Variants in COL25A1 observed in about 807,000 individuals in gnomAD.
COL25A1 encodes the protein collagen alpha-1(XXV) chain.
COL25A1 carries 103 observed loss-of-function variants against 128.4 expected under a neutral mutation model. That is an observed-to-expected ratio of 0.80 (90% CI 0.68 to 0.94). The LOEUF is 0.94. COL25A1 is among the 40% of genes least tolerant of loss of function. The pLI is 0.00. For synonymous variants in COL25A1, 279 were observed against 277.2 expected (o/e 1.01, Z -0.06); for missense variants, 745 against 840.0 (o/e 0.89, Z 1.40).
chr4:109,276,722 T>A (rs1227555869), intron 3 of COL25A1, among the ~76,000 whole-genome samples: 1 of 152,114 alleles, frequency 6.6e-6, no homozygotes, highest in African/African-American at 2.4e-5. Context: ...GTACTGCAAT[T>A]CTTGAATTCT....
chr4:109,134,900 C>T (rs763073306), intron 3 of COL25A1, among the ~76,000 whole-genome samples: 4 of 151,606 alleles, frequency 2.6e-5, no homozygotes, highest in Non-Finnish European at 5.9e-5. Context: ...GTAAGGAAAT[C>T]GCTTATAGAT....
intron 3 of COL25A1, among the ~76,000 whole-genome samples, chr4:109,253,311 G>T (rs1780788966): frequency 6.6e-6 from 1 of 152,154 alleles, no homozygotes; most frequent in African/African-American, 2.4e-5. Context: ...AGGAGAGTTG[G>T]AAGTATAATT....
At chr4:109,299,781 T>C (rs973601759) in intron 3 of COL25A1, among the ~76,000 whole-genome samples, 1 of 152,110 alleles carries the variant, frequency 6.6e-6, no homozygotes, top group African/African-American at 2.4e-5. Flanking sequence ...TTGAATCCAC[T>C]AGATGTTTCC....
At chr4:109,261,484 T>A (rs189833857) in intron 3 of COL25A1, among the ~76,000 whole-genome samples, 2 of 152,242 alleles carry the variant, frequency 1.3e-5, no homozygotes, top group Non-Finnish European at 2.9e-5. Context: ...GCCAAGATCG[T>A]GCCATGGCCC....
intron 15 of COL25A1, among the ~76,000 whole-genome samples, chr4:108,896,946 C>G (rs185008573): frequency 7.9e-5 from 12 of 152,316 alleles, no homozygotes; most frequent in African/African-American, 2.9e-4. Flanking sequence ...ACAGAAAACA[C>G]TTATCTGTCT....
intron 3 of COL25A1, among the ~76,000 whole-genome samples, chr4:109,191,425 G>A (rs1366815752): frequency 1.3e-5 from 2 of 152,102 alleles, no homozygotes; most frequent in African/African-American, 2.4e-5. Flanking sequence ...TCGCCCACAA[G>A]AGAGGGTGAA....
intron 3 of COL25A1, among the ~76,000 whole-genome samples, chr4:109,130,833 G>C (rs1215958195): frequency 1.3e-5 from 2 of 152,004 alleles, no homozygotes; most frequent in Non-Finnish European, 2.9e-5. Context: ...TTTCATTTTC[G>C]AACCTGCATT....
intron 35 of COL25A1, among the ~76,000 whole-genome samples, chr4:108,821,229 C>T (rs1473924507): frequency 6.6e-6 from 1 of 152,158 alleles, no homozygotes; most frequent in African/African-American, 2.4e-5. Context: ...TCAGAAGGCT[C>T]AGAATCAAAA....
At chr4:109,045,706 A>G (rs1760364646) in intron 5 of COL25A1, among the ~76,000 whole-genome samples, 1 of 152,136 alleles carries the variant, frequency 6.6e-6, no homozygotes, top group Non-Finnish European at 1.5e-5. Flanking sequence ...AGCATAATCA[A>G]TGTTTTTTTT....
chr4:109,157,988 T>C (rs1287658275), intron 3 of COL25A1, among the ~76,000 whole-genome samples: 1 of 152,196 alleles, frequency 6.6e-6, no homozygotes, highest in Non-Finnish European at 1.5e-5. Context: ...CTAAAGCCTG[T>C]GAATACTTCT....
intron 3 of COL25A1, among the ~76,000 whole-genome samples, chr4:109,185,880 TC>T (rs1052969817): frequency 6.6e-6 from 1 of 152,106 alleles, no homozygotes; most frequent in African/African-American, 2.4e-5. Context: ...AAGACAGGCC[TC>T]CTCAGAGACC....
intron 8 of COL25A1, among the ~76,000 whole-genome samples, chr4:108,961,809 G>A (rs781509907): frequency 6.6e-6 from 1 of 151,954 alleles, no homozygotes; most frequent in Non-Finnish European, 1.5e-5. Flanking sequence ...TTCAAGATTG[G>A]GCCACAATTT....
rs144588803 is a variant in COL25A1 at position 109,115,200 on chromosome 4, T to C, written c.368-65021A>G. On this transcript the variant is annotated intron_variant, in intron 3 of 37. Coordinates refer to ENST00000399132, the MANE Select transcript of COL25A1 (RefSeq NM_198721.4). Reference sequence around the variant, plus strand: ...CTGAAAAAAATAACCCCACACTTGATACTTAGGGGATTTGCCTAAACACAA... The same window carrying C: ...CTGAAAAAAATAACCCCACACTTGACACTTAGGGGATTTGCCTAAACACAA... Among the ~76,000 whole-genome samples the C allele has an allele frequency of 8.2e-3, 1,243 of 152,214 alleles. 10 individuals carry two copies. The highest frequency in any genetic ancestry group is 0.017 in the Middle Eastern group (5 of 294).
chr4:109,054,289 G>C (rs906781797), intron 3 of COL25A1, among the ~76,000 whole-genome samples: 4 of 152,268 alleles, frequency 2.6e-5, no homozygotes, highest in Admixed American at 2.0e-4. Flanking sequence ...AAAACCTATG[G>C]ATTTTTCACT....
At chr4:108,937,681 A>G in intron 11 of COL25A1, 127 bp downstream of exon 11, 1 of 694,662 alleles carries the variant, frequency 1.4e-6, no homozygotes, top group Non-Finnish European at 2.4e-6. Context: ...TATTACTTTT[A>G]ACTTTTACTA....
intron 3 of COL25A1, among the ~76,000 whole-genome samples, chr4:109,057,079 C>T (rs1761513207): frequency 6.6e-6 from 1 of 152,140 alleles, no homozygotes; most frequent in Non-Finnish European, 1.5e-5. Context: ...AGGCTGGTCT[C>T]AAACTCCTGG....
chr4:108,863,218 T>G (rs1334787716), intron 21 of COL25A1, 101 bp downstream of exon 21: 2 of 1,045,018 alleles, frequency 1.9e-6, no homozygotes, highest in Non-Finnish European at 2.9e-6. Context: ...ATTTGTGATT[T>G]GGGCTGTTTT....
intron 3 of COL25A1, among the ~76,000 whole-genome samples, chr4:109,278,030 G>A (rs1380871165): frequency 6.6e-6 from 1 of 151,962 alleles, no homozygotes; most frequent in Non-Finnish European, 1.5e-5. Context: ...AGTTACTCAG[G>A]AGGCTGAGGC....
chr4:109,252,312 C>T (rs1780712862), intron 3 of COL25A1, among the ~76,000 whole-genome samples: 1 of 152,224 alleles, frequency 6.6e-6, no homozygotes, highest in Non-Finnish European at 1.5e-5. Context: ...GTCTCTGCTG[C>T]TGTCAGATTG....
Sources: gnomAD v4.1 joint callset for allele counts (sites outside exome capture counted in the v4.1 genomes callset) on GRCh38, gnomAD v4.1.1 for gene constraint, MANE v1.5 for transcripts, NCBI Gene and HGNC (gene_info 2026-07-23, HGNC 2026-07-21) for gene names.